SDK1: variants seen among roughly 807,000 people sequenced by gnomAD.
The protein encoded by SDK1 is protein sidekick-1.
In SDK1, 157 loss-of-function variants were observed where a neutral mutation model predicts 245.5. The ratio of observed to expected loss-of-function variants is 0.64; its 90% confidence interval spans 0.56 to 0.73. SDK1 has a LOEUF of 0.73. SDK1 is among the 30% of genes least tolerant of loss of function. The probability of loss-of-function intolerance (pLI) is 0.00; values close to 1 mark genes in which losing one functional copy is unlikely to be tolerated. For synonymous variants in SDK1, 1,647 were observed against 1,278.5 expected (o/e 1.29, Z -6.15); for missense variants, 3,583 against 3,002.3 (o/e 1.19, Z -4.52).
chr7:3,867,054 G>A (rs146627314), intron 5 of SDK1, among the ~76,000 whole-genome samples: 31 of 152,294 alleles, frequency 2.0e-4, no homozygotes, highest in Non-Finnish European at 2.6e-4. Flanking sequence ...ATGAGTGGGC[G>A]CAGGCCTTCA....
At chr7:3,552,571 G>T (rs1779452659) in intron 1 of SDK1, among the ~76,000 whole-genome samples, 1 of 152,006 alleles carries the variant, frequency 6.6e-6, no homozygotes, top group Admixed American at 6.6e-5. Flanking sequence ...TTTTCATTTT[G>T]CTGGACCACG....
intron 42 of SDK1, among the ~76,000 whole-genome samples, chr7:4,239,422 A>T (rs980827808): frequency 4.6e-5 from 7 of 152,242 alleles, no homozygotes; most frequent in African/African-American, 1.7e-4. Context: ...GACACTTAAG[A>T]TTAGCATAGC....
intron 5 of SDK1, among the ~76,000 whole-genome samples, chr7:3,889,164 C>T (rs558451494): frequency 1.3e-5 from 2 of 152,338 alleles, no homozygotes; most frequent in East Asian, 3.9e-4. Context: ...TAATCAATGC[C>T]TCTGAGATTC....
At chr7:3,936,546 C>T (rs769931797) in intron 5 of SDK1, among the ~76,000 whole-genome samples, 1 of 149,298 alleles carries the variant, frequency 6.7e-6, no homozygotes, top group Non-Finnish European at 1.5e-5. Context: ...GATCACGCCA[C>T]AGCACTCCAG....
At chr7:3,981,107 C>T (rs1783368226) in intron 13 of SDK1, among the ~76,000 whole-genome samples, 1 of 152,144 alleles carries the variant, frequency 6.6e-6, no homozygotes, top group Non-Finnish European at 1.5e-5. Flanking sequence ...TTTCCAACGG[C>T]ACCTGCTCAC....
chr7:3,928,807 A>G (rs1779869197), intron 5 of SDK1, among the ~76,000 whole-genome samples: 1 of 152,220 alleles, frequency 6.6e-6, no homozygotes, highest in African/African-American at 2.4e-5. Context: ...ACCCCGCTTT[A>G]CAGATGAGGA....
intron 32 of SDK1, among the ~76,000 whole-genome samples, chr7:4,171,239 G>T (rs1411886212): frequency 6.6e-6 from 1 of 152,168 alleles, no homozygotes; most frequent in Non-Finnish European, 1.5e-5. Flanking sequence ...CGCCGCCTCG[G>T]GTACACCGCA....
intron 1 of SDK1, among the ~76,000 whole-genome samples, chr7:3,559,919 T>C (rs1259098692): frequency 2.6e-5 from 4 of 152,196 alleles, no homozygotes; most frequent in Admixed American, 1.3e-4. Flanking sequence ...TTCAGGATGA[T>C]TGATGTTGAA....
intron 1 of SDK1, among the ~76,000 whole-genome samples, chr7:3,459,185 A>G (rs926194366): frequency 6.6e-6 from 1 of 152,206 alleles, no homozygotes; most frequent in Non-Finnish European, 1.5e-5. Flanking sequence ...CTGAAATTGC[A>G]TGAGAAGTTT....
intron 8 of SDK1, among the ~76,000 whole-genome samples, chr7:3,960,923 A>G (rs991475279): frequency 2.0e-5 from 3 of 152,242 alleles, no homozygotes; most frequent in African/African-American, 4.8e-5. Flanking sequence ...AGTATACAAT[A>G]CTGCGGGGGA....
intron 4 of SDK1, among the ~76,000 whole-genome samples, chr7:3,687,999 G>T (rs928976792): frequency 2.6e-5 from 4 of 152,138 alleles, no homozygotes; most frequent in African/African-American, 9.7e-5. Flanking sequence ...ATTAGAGAAG[G>T]TTCTATTTCC....
intron 35 of SDK1, among the ~76,000 whole-genome samples, chr7:4,201,243 T>G (rs970294938): frequency 6.6e-6 from 1 of 152,202 alleles, no homozygotes; most frequent in Non-Finnish European, 1.5e-5. Flanking sequence ...TTAAACCTCC[T>G]GATTCATTGA....
At chr7:3,723,939 TATATAGAGAGAGAG>T (rs1435884344) in intron 4 of SDK1, among the ~76,000 whole-genome samples, 41 of 116,722 alleles carry the variant, frequency 3.5e-4, no homozygotes, top group African/African-American at 1.2e-3. Flanking sequence ...TATATATATA[TATATAGAGAGAGAG>T]AGAGAGAGAG....
At chr7:4,107,369 C>T (rs953718784) in intron 22 of SDK1, among the ~76,000 whole-genome samples, 5 of 152,156 alleles carry the variant, frequency 3.3e-5, no homozygotes, top group African/African-American at 9.7e-5. Flanking sequence ...CCGTGAGCTA[C>T]GCACGTGAGC....
intron 1 of SDK1, among the ~76,000 whole-genome samples, chr7:3,357,332 T>G (rs917691669): frequency 1.5e-4 from 2 of 13,406 alleles, no homozygotes; most frequent in East Asian, 3.3e-3. Context: ...TTTAGTGTTT[T>G]TTTTTTTTTT....
At chr7:3,683,515 A>G (rs1784174575) in intron 4 of SDK1, among the ~76,000 whole-genome samples, 1 of 152,216 alleles carries the variant, frequency 6.6e-6, no homozygotes, top group Admixed American at 6.5e-5. Flanking sequence ...TGAGGACAAG[A>G]AACTCACATA....
intron 5 of SDK1, among the ~76,000 whole-genome samples, chr7:3,908,843 T>G (rs1779054195): frequency 6.6e-6 from 1 of 151,952 alleles, no homozygotes; most frequent in Non-Finnish European, 1.5e-5. Flanking sequence ...TTTTTTTTTT[T>G]TGGTACCTTA....
chr7:3,503,619 G>A (rs1782288375), intron 1 of SDK1, among the ~76,000 whole-genome samples: 1 of 152,136 alleles, frequency 6.6e-6, no homozygotes, highest in Non-Finnish European at 1.5e-5. Context: ...TGAGGCTGCA[G>A]TACGCTATGA....
chr7:3,526,199 C>T (rs1246376296), intron 1 of SDK1, among the ~76,000 whole-genome samples: 1 of 151,862 alleles, frequency 6.6e-6, no homozygotes, highest in Non-Finnish European at 1.5e-5. Context: ...CATCACTGAA[C>T]TCCAGCCTGG....
Sources: gnomAD v4.1 joint callset for allele counts (sites outside exome capture counted in the v4.1 genomes callset) on GRCh38, gnomAD v4.1.1 for gene constraint, MANE v1.5 for transcripts, NCBI Gene and HGNC (gene_info 2026-07-23, HGNC 2026-07-21) for gene names.